The following ADGRB1 variants were observed in gnomAD, a reference collection of about 807,000 sequenced individuals.
ADGRB1 encodes the protein adhesion G protein-coupled receptor B1.
In ADGRB1, 36 loss-of-function variants were observed where a neutral mutation model predicts 175.7. The ratio of observed to expected loss-of-function variants is 0.20; its 90% CI spans 0.16 to 0.27. The LOEUF (loss-of-function observed/expected upper bound fraction) is 0.27. Ranked by LOEUF, ADGRB1 falls within the 10% of genes least tolerant of loss-of-function variation. The pLI, the probability that ADGRB1 is intolerant of heterozygous loss-of-function variation, is 1.00. For synonymous variants in ADGRB1, 1,054 were observed against 979.4 expected, an observed-to-expected ratio of 1.08 and a Z score of -1.42; for missense variants, 1,731 against 2,255.3, an observed-to-expected ratio of 0.77 and a Z score of 4.71.
At position 142,520,891 on chromosome 8, in the gene ADGRB1, T is replaced by C; in HGVS notation, c.2990T>C (p.Leu997Pro). Residue 997 changes from leucine (L) to proline (P), a missense_variant, in exon 20 of 31, where the codon CTC becomes CCC. By Grantham distance (98) the Leu-to-Pro change is moderately conservative. Coordinates refer to ENST00000517894, the MANE Select transcript of ADGRB1 (RefSeq NM_001702.3). Reference protein sequence around the residue: ...FCLSIISSNALILIGQTQTRN... With the variant: ...FCLSIISSNAPILIGQTQTRN... The stretch of plus-strand genomic sequence containing the variant: ...CTGTCCATCATCTCCTCCAATGCCC[T>C]CATCCTCATCGGGCAGACCCAGACC... 6.2e-7 allele frequency: 1 copy of C among 1,613,640 alleles called. No homozygotes were observed. Among genetic ancestry groups the C allele is most frequent in the East Asian group, 2.2e-5 (1 of 44,880 alleles).
rs200645531 is a variant in ADGRB1 at position 142,484,066 on chromosome 8, G to A, written c.2199+21G>A. ...AGCTGGTAGGGCCTGGGGCCCCTAC[G>A]GTCAGCAGCCTCAGGAGGGGTGCAG... On this transcript the variant is annotated intron_variant, in intron 12 of 30. Coordinates refer to ENST00000517894, the MANE Select transcript of ADGRB1 (RefSeq NM_001702.3). 1,230 of 1,601,898 alleles carry A rather than the reference G, an allele frequency of 7.7e-4. 2 individuals are homozygous for A. The highest frequency in any genetic ancestry group is 1.7e-3 in the South Asian group (156 of 89,548).
intron 9 of ADGRB1, 27 bp downstream of exon 9, chr8:142,479,821 TG>T (rs1264874871): frequency 5.6e-6 from 9 of 1,599,314 alleles, no homozygotes; most frequent in Non-Finnish European, 6.8e-6. Flanking sequence ...ACGTGGTGTA[TG>T]GGGGCTCCCG....
At chr8:142,475,021 C>T (rs1200086925) in intron 2 of ADGRB1, among the ~76,000 whole-genome samples, 2 of 152,132 alleles carry the variant, frequency 1.3e-5, no homozygotes, top group Non-Finnish European at 2.9e-5. Context: ...GGGTGGTGAC[C>T]CTCCGCTGAG....
intron 17 of ADGRB1, among the ~76,000 whole-genome samples, chr8:142,500,250 GCTCCTCCACCTCCCCAC>G (rs2131956097): frequency 4.0e-5 from 2 of 49,416 alleles, no homozygotes; most frequent in Admixed American, 4.6e-4. Flanking sequence ...CCCACGCGCC[GCTCCTCCACCTCCCCAC>G]GCGCCGCTCC....
At position 142,543,534 on chromosome 8, in the gene ADGRB1, C is replaced by G. The variant is rs900989403; in HGVS notation, c.4450-67C>G. Reference sequence around the variant, plus strand: ...AGCTCCCCGGCAGCCAGGGGACGGGCGGGGCAGGCAGGATGGGCCATGCCC... The same window carrying G: ...AGCTCCCCGGCAGCCAGGGGACGGGGGGGGCAGGCAGGATGGGCCATGCCC... On this transcript the variant is annotated intron_variant, in intron 29 of 30. Coordinates refer to ENST00000517894, the MANE Select transcript of ADGRB1 (RefSeq NM_001702.3). This position sits in a 1 kb window ranked among gnomAD's most constrained non-coding sequence, Gnocchi z 4.4. 2 of 1,592,020 alleles carry G rather than the reference C, an allele frequency of 1.3e-6. No individual in the cohort carries two copies. The highest frequency in any genetic ancestry group is 4.6e-5 in the East Asian group (2 of 43,490).
chr8:142,515,379 C>A (rs1843359478), intron 18 of ADGRB1, among the ~76,000 whole-genome samples: 1 of 152,218 alleles, frequency 6.6e-6, no homozygotes, highest in South Asian at 2.1e-4. Context: ...TCGCCTGGAA[C>A]CTGCTGAGCA....
Position 142,464,411 on chromosome 8 carries a change from G to A in ADGRB1, c.213G>A (p.Thr71=). 6.5e-7 allele frequency: 1 copy of A among 1,542,380 alleles called. No homozygotes were observed. ...CCAACGCCTCGCGCTGCTCCTGGAC[G>A]CTACGCAACCCGGACCCGCGGCGCT... is the stretch of plus-strand genomic sequence containing the variant. ...FPANASRCSW[T]LRNPDPRRYT... The change falls in exon 2 of 31, where the codon ACG becomes ACA. Residue 71 remains threonine, a synonymous_variant. Coordinates refer to ENST00000517894, the MANE Select transcript of ADGRB1 (RefSeq NM_001702.3).
In ADGRB1 at chr8:142,455,843, G is replaced by T. The variant is rs572614027; in HGVS notation, c.-220+5739G>T. Among the ~76,000 whole-genome samples the T allele has an allele frequency of 1.6e-4, 24 of 152,300 alleles. No homozygotes were observed. In the East Asian group the frequency reaches 4.3e-3, roughly 27 times the overall value. On this transcript the variant is annotated intron_variant, in intron 1 of 30. Coordinates refer to ENST00000517894, the MANE Select transcript of ADGRB1 (RefSeq NM_001702.3). This position sits in a 1 kb window ranked among gnomAD's most constrained non-coding sequence, Gnocchi z 4.9. The stretch of plus-strand genomic sequence containing the variant: ...ACCCCACCCCCGACCACCGGGCCCT[G>T]GGGGCACACGGTTGGTCTTTGGGCC...
At chr8:142,467,970 A>G (rs147162489) in intron 2 of ADGRB1, among the ~76,000 whole-genome samples, 1 of 152,336 alleles carries the variant, frequency 6.6e-6, no homozygotes, top group East Asian at 1.9e-4. Context: ...AGGCAGGGAT[A>G]TTCGAGCAGC....
chr8:142,466,836 G>A (rs545489830), intron 2 of ADGRB1, among the ~76,000 whole-genome samples: 1 of 152,268 alleles, frequency 6.6e-6, no homozygotes, highest in East Asian at 1.9e-4. Flanking sequence ...CGTGCATCTT[G>A]GTCTGCCACT....
intron 2 of ADGRB1, among the ~76,000 whole-genome samples, chr8:142,466,238 TA>T (rs1387442360): frequency 1.3e-5 from 2 of 152,094 alleles, no homozygotes; most frequent in East Asian, 3.9e-4. Context: ...ATGGGACCCT[TA>T]GGGGTACCCA....
intron 17 of ADGRB1, among the ~76,000 whole-genome samples, chr8:142,507,257 G>A (rs1842892125): frequency 6.6e-6 from 1 of 152,212 alleles, no homozygotes; most frequent in Non-Finnish European, 1.5e-5. Flanking sequence ...GTGTTGGGAG[G>A]CTGTTCCCCT....
chr8:142,518,496 T>G lies in ADGRB1; in HGVS notation c.2921+255T>G, dbSNP rs367738927. On this transcript the variant is annotated intron_variant, in intron 19 of 30. Transcript: ENST00000517894. The stretch of plus-strand genomic sequence containing the variant: ...AGGGGGTGGGGCCTGGTTCCTCCCC[T>G]GAACGTGCCCCCTTTGCCTGCACTT... Among the ~76,000 whole-genome samples, 19 of 152,288 alleles carry G rather than the reference T, an allele frequency of 1.2e-4. No individual in the cohort carries two copies. In the East Asian group the frequency reaches 3.7e-3, roughly 30 times the overall value.
rs1448178629 is a variant in ADGRB1, at chr8:142,542,637, G to A, written c.4403G>A (p.Ser1468Asn). Residue 1468 changes from serine (S) to asparagine (N), a missense_variant, in exon 28 of 31, where the codon AGC becomes AAC. By Grantham distance (46) the Ser-to-Asn change is conservative (BLOSUM62 1). Coordinates refer to ENST00000517894, the MANE Select transcript of ADGRB1 (RefSeq NM_001702.3). This position sits in a 1 kb window ranked among gnomAD's most constrained non-coding sequence, Gnocchi z 6.3. ...GAGAATGTCGCCACCTTGTCTGTGA[G>A]CTCCCTGGAGGTGAGGGGGGCAGGG... ...KNENVATLSV[S>N]SLERRKSRYA... 6.5e-7 allele frequency: 1 copy of A among 1,549,966 alleles called. No individual in the cohort carries two copies.
chr8:142,499,640 G>A (rs1205634425), intron 17 of ADGRB1, among the ~76,000 whole-genome samples: 2 of 152,142 alleles, frequency 1.3e-5, no homozygotes, highest in South Asian at 2.1e-4. Flanking sequence ...GTGGGGTTGG[G>A]AGCGGCTGGG....
At position 142,464,089 on chromosome 8, in the gene ADGRB1, TCCCTGCCCCCACCGGGCCGG is replaced by T. The variant is rs1840109841; in HGVS notation, c.-101_-82del. 6.7e-5 allele frequency: 14 copies of T among 210,058 alleles called. No homozygotes were observed. Among genetic ancestry groups the T allele is most frequent in the South Asian group, 1.8e-4 (1 of 5,416 alleles). 13.0% of individuals were successfully genotyped at this position (210,058 alleles called of 1,614,324 possible). ...TCTCCCATCCCACCCTTGCCCCGCC[TCCCTGCCCCCACCGGGCCGG>T]CCCTGCCCGCCGCCGGACCCTGGCA... is the stretch of plus-strand genomic sequence containing the variant. On this transcript the variant is annotated 5_prime_UTR_variant, in exon 2 of 31. Transcript: ENST00000517894.
chr8:142,504,287 A>AG lies in ADGRB1; in HGVS notation c.2676-6640dup, dbSNP rs1842755992. Reference sequence around the variant, plus strand: ...GAGGCAGTGGCTCCAGGAGCCCTGGAGGGGGAGGCTAATCACACAGGATGC... The same window carrying AG: ...GAGGCAGTGGCTCCAGGAGCCCTGGAGGGGGGAGGCTAATCACACAGGATGC... On this transcript the variant is annotated intron_variant, in intron 17 of 30. Coordinates refer to ENST00000517894, the MANE Select transcript of ADGRB1 (RefSeq NM_001702.3). This position sits in a 1 kb window ranked among gnomAD's most constrained non-coding sequence, Gnocchi z 5.6. Among the ~76,000 whole-genome samples, 1 of 152,096 alleles carries AG rather than the reference A, an allele frequency of 6.6e-6. No individual in the cohort carries two copies. The highest frequency in any genetic ancestry group is 1.5e-5 in the Non-Finnish European group (1 of 67,964).
chr8:142,477,473 G>T lies in ADGRB1; in HGVS notation c.1311G>T (p.Arg437Ser). ...RGFRDRTRTC[R>S]PPQFGGNPCE... ...TTCGGGATCGCACGCGCACCTGCAGGCCCCCCCAGTTTGGGGGCAACCCCT... is the reference window on the plus strand; with the variant it reads ...TTCGGGATCGCACGCGCACCTGCAGTCCCCCCCAGTTTGGGGGCAACCCCT... Residue 437 changes from arginine (R) to serine (S), a missense_variant, in exon 6 of 31, where the codon AGG (arginine) becomes AGT (serine). This residue lies in a region of ADGRB1 where 388 missense variants were observed against 630.9 expected (regional missense o/e 0.61). Transcript: ENST00000517894. 6.2e-7 allele frequency: 1 copy of T among 1,612,856 alleles called. No individual in the cohort carries two copies. Among genetic ancestry groups the T allele is most frequent in the Non-Finnish European group, 8.5e-7 (1 of 1,179,814 alleles).
intron 18 of ADGRB1, among the ~76,000 whole-genome samples, chr8:142,516,533 G>A (rs1292773958): frequency 2.0e-5 from 3 of 147,370 alleles, no homozygotes; most frequent in African/African-American, 5.0e-5. Flanking sequence ...TCCCAGGTGC[G>A]TGCATCTGTG....
Sources: allele counts gnomAD v4.1 joint callset (sites outside exome capture counted in the v4.1 genomes callset), GRCh38; gene constraint gnomAD v4.1.1; regional missense constraint gnomAD v4.1.1; non-coding constraint Gnocchi (gnomAD v3.1); transcripts MANE v1.5; gene names NCBI Gene and HGNC (gene_info 2026-07-23, HGNC 2026-07-21).